The following PAGE3 variants were observed in gnomAD, a reference collection of about 807,000 sequenced individuals.
The protein encoded by PAGE3 is PAGE family member 3, also known as P antigen family member 3.
In PAGE3, 9 loss-of-function variants were observed where a neutral mutation model predicts 3.8. That is an observed-to-expected ratio of 2.36 (90% CI 1.42 to 4.12). The LOEUF is 4.12. Ranked by LOEUF, PAGE3 falls within the 30% of genes most tolerant of loss-of-function variation. PAGE3 has a pLI of 0.00. For missense variants in PAGE3, 73 were observed against 37.8 expected (o/e 1.93, Z -2.44); for synonymous variants, 24 against 13.1 (o/e 1.83, Z -1.79).
intron 4 of PAGE3, 143 bp from the exon 5 acceptor site, chrX:55,258,671 T>C: frequency 2.6e-6 from 1 of 378,322 alleles, no homozygotes; most frequent in Non-Finnish European, 4.6e-6. Context: ...GTTAAACCGC[T>C]ATAGAGACTT....
At chrX:55,264,199 T>C (rs934304378) in intron 1 of PAGE3, among the ~76,000 whole-genome samples, 1 of 110,769 alleles carries the variant, frequency 9.0e-6, no homozygotes, top group African/African-American at 3.3e-5. Context: ...TAGGAAAATA[T>C]AGGTAGAGAA....
rs1017458364 is a variant in PAGE3, at chrX:55,263,513, G to T, written c.85-154C>A. The stretch of plus-strand genomic sequence containing the variant: ...ATTCTACATATACTTATTCTTAATA[G>T]TTACTACAAGAGAAAGTTACCCTTA... On this transcript the variant is annotated intron_variant, in intron 2 of 4. Transcript: ENST00000374951. 6.3e-5 allele frequency among the ~76,000 whole-genome samples: 7 copies of T among 111,610 alleles called. No individual in the cohort carries two copies. The South Asian group carries it at 2.3e-3, about 36-fold the overall frequency.
In PAGE3 at chrX:55,264,539, C is replaced by G; in HGVS notation, c.-9+7G>C. 8.9e-6 allele frequency: 1 copy of G among 111,749 alleles called. No homozygotes were observed. Among genetic ancestry groups the G allele is most frequent in the Non-Finnish European group, 1.9e-5 (1 of 53,338 alleles). 9.2% of individuals were successfully genotyped at this position (111,749 alleles called of 1,213,427 possible). On this transcript the variant is annotated splice_region_variant and intron_variant, in intron 1 of 4. Coordinates refer to ENST00000374951, the MANE Select transcript of PAGE3 (RefSeq NM_001017931.3). The stretch of plus-strand genomic sequence containing the variant: ...TCAGGGTTCCAGGCCTTTCGGCACT[C>G]AGATACCTCCAACAGCACGCCCAGC...
chrX:55,262,117 A>G (rs1401170004), intron 3 of PAGE3, among the ~76,000 whole-genome samples: 1 of 111,787 alleles, frequency 8.9e-6, no homozygotes, highest in Non-Finnish European at 1.9e-5. Context: ...TATTGTCATC[A>G]TAATTCTGGG....
At chrX:55,264,381 C>T (rs1938351869) in intron 1 of PAGE3, among the ~76,000 whole-genome samples, 165 bp downstream of exon 1, 1 of 110,745 alleles carries the variant, frequency 9.0e-6, no homozygotes, top group African/African-American at 3.3e-5. Context: ...CACTCTCTGC[C>T]ACCGTGGAGC....
intron 3 of PAGE3, among the ~76,000 whole-genome samples, chrX:55,262,386 A>G (rs777898364): frequency 2.5e-4 from 28 of 111,524 alleles, no homozygotes; most frequent in Non-Finnish European, 5.1e-4. Flanking sequence ...CAATCAAAGT[A>G]AACAGTGGCT....
In PAGE3 at chrX:55,259,333, CT is replaced by C. The variant is rs1423103434; in HGVS notation, c.320-806del. Reference sequence around the variant, plus strand: ...CCAAATACAAATAAACAAACAATAGCTTTTTTTTTTGTTTCTAAATGATAAA... The same window carrying C: ...CCAAATACAAATAAACAAACAATAGCTTTTTTTTTGTTTCTAAATGATAAA... On this transcript the variant is annotated intron_variant, in intron 4 of 4. Transcript: ENST00000374951. Among the ~76,000 whole-genome samples, 647 of 105,529 alleles carry C rather than the reference CT, an allele frequency of 6.1e-3. 11 individuals are homozygous for C. The highest frequency in any genetic ancestry group is 0.02 in the African/African-American group (591 of 29,389). 91.6% of individuals were successfully genotyped at this position (105,529 alleles called of 115,157 possible). A position where few individuals can be genotyped will look rare whatever the true frequency, so the allele number is the denominator to read the frequency against.
In PAGE3 at chrX:55,264,760, C is replaced by T. The variant is rs1316108967; in HGVS notation, c.-223G>A. ...GGACCTGTCCAAAGCCCGCTGGCTC[C>T]CCTTCACATTCACTCACAACTAAAT... On this transcript the variant is annotated 5_prime_UTR_variant, in exon 1 of 5. Transcript: ENST00000374951. The T allele has an allele frequency of 9.0e-6, 1 of 111,503 alleles. No homozygotes were observed. Among genetic ancestry groups the T allele is most frequent in the Non-Finnish European group, 1.9e-5 (1 of 53,089 alleles). 9.2% of individuals were successfully genotyped at this position (111,503 alleles called of 1,213,427 possible).
At chrX:55,261,901 C>T (rs1475673269) in intron 3 of PAGE3, among the ~76,000 whole-genome samples, 1 of 110,791 alleles carries the variant, frequency 9.0e-6, no homozygotes, top group African/African-American at 3.3e-5. Flanking sequence ...GTCATGACAC[C>T]CATAACCTAT....
rs865996537 is a variant in PAGE3, at chrX:55,260,767, G to A, written c.194-108C>T. The A allele has an allele frequency of 7.5e-4, 282 of 376,398 alleles. 1 individual carries two copies. The highest frequency in any genetic ancestry group is 6.8e-3 in the African/African-American group (260 of 38,365). The allele number at this position is 376,398 out of a possible 1,213,427, so 31.0% of individuals were successfully genotyped here. A position where few individuals can be genotyped will look rare whatever the true frequency, so the allele number is the denominator to read the frequency against. ...TTATGAAATAAAAGCCTATAGGCTA[G>A]TGTGGTAATACACGCAATGCATAAG... is the stretch of plus-strand genomic sequence containing the variant. On this transcript the variant is annotated intron_variant, in intron 3 of 4. Coordinates refer to ENST00000374951, the MANE Select transcript of PAGE3 (RefSeq NM_001017931.3).
rs1414701316 is a variant in PAGE3 at position 55,264,652 on chromosome X, G to C, written c.-115C>G. ...CAGAAACGACGACAAAGGCCCATGG[G>C]GCGTCGCGACCTGGGAGGAGCCGGA... is the stretch of plus-strand genomic sequence containing the variant. On this transcript the variant is annotated 5_prime_UTR_variant, in exon 1 of 5. Coordinates refer to ENST00000374951, the MANE Select transcript of PAGE3 (RefSeq NM_001017931.3). 1.8e-5 allele frequency: 2 copies of C among 112,013 alleles called. No individual in the cohort carries two copies. The highest frequency in any genetic ancestry group is 3.8e-5 in the Non-Finnish European group (2 of 53,214). 9.2% of individuals were successfully genotyped at this position (112,013 alleles called of 1,213,427 possible).
Position 55,258,462 on chromosome X carries a change from T to C in PAGE3, c.*44A>G, listed in dbSNP as rs1738220572. ...TATTGAGAGAATTTTACTGGTGAAG[T>C]TTCCAACATAAAGACTGCATGTATG... is the stretch of plus-strand genomic sequence containing the variant. On this transcript the variant is annotated 3_prime_UTR_variant, in exon 5 of 5. Coordinates refer to ENST00000374951, the MANE Select transcript of PAGE3 (RefSeq NM_001017931.3). The C allele has an allele frequency of 7.3e-6, 4 of 550,669 alleles. No individual in the cohort carries two copies. The highest frequency in any genetic ancestry group is 1.3e-5 in the Non-Finnish European group (4 of 302,474). 45.4% of individuals were successfully genotyped at this position (550,669 alleles called of 1,213,427 possible).
intron 3 of PAGE3, 80 bp from the exon 4 acceptor site, chrX:55,260,739 A>C: frequency 2.4e-6 from 1 of 408,163 alleles, no homozygotes; most frequent in Non-Finnish European, 4.4e-6. Flanking sequence ...CACTCCCTCA[A>C]TGTTATGAAA....
chrX:55,260,614 G>C lies in PAGE3; in HGVS notation c.239C>G (p.Thr80Ser). Residue 80 changes from threonine (T) to serine (S), a missense_variant, in exon 4 of 5, where the codon ACT becomes AGT. By Grantham distance (58) the Thr-to-Ser change is moderately conservative. Coordinates refer to ENST00000374951, the MANE Select transcript of PAGE3 (RefSeq NM_001017931.3). ...AYLWELTRSK[T>S]GGERGDGPNV... ...AGGACCATCTCCACGTTCACCCCCA[G>C]TCTTTGACCGAGTCAGTTCCCAGAG... 1.8e-6 allele frequency: 1 copy of C among 561,319 alleles called. No homozygotes were observed. Among genetic ancestry groups the C allele is most frequent in the Non-Finnish European group, 3.3e-6 (1 of 305,417 alleles). The allele number at this position is 561,319 out of a possible 1,213,427, so 46.3% of individuals were successfully genotyped here.
At chrX:55,263,211 C>T in intron 3 of PAGE3, 40 bp downstream of exon 3, 1 of 548,692 alleles carries the variant, frequency 1.8e-6, no homozygotes, top group Admixed American at 2.3e-5. Flanking sequence ...ATACATACAC[C>T]CCCTCCATTC....
intron 3 of PAGE3, among the ~76,000 whole-genome samples, chrX:55,262,617 A>G (rs1404182398): frequency 1.8e-5 from 2 of 108,463 alleles, no homozygotes; most frequent in African/African-American, 3.4e-5. Context: ...CTTTGGTAAG[A>G]CACAATCTCT....
rs1051200464 is a variant in PAGE3, at chrX:55,262,098, A to G, written c.193+1153T>C. Among the ~76,000 whole-genome samples the G allele has an allele frequency of 5.4e-5, 6 of 111,757 alleles. 1 individual carries two copies. In the South Asian group the frequency reaches 2.3e-3, roughly 42 times the overall value. On this transcript the variant is annotated intron_variant, in intron 3 of 4. Coordinates refer to ENST00000374951, the MANE Select transcript of PAGE3 (RefSeq NM_001017931.3). The stretch of plus-strand genomic sequence containing the variant: ...ATGGGAAGTGGAATGGAAAGAATTT[A>G]ATGGGTATTATTGTCATCATAATTC...
At chrX:55,262,742 T>C (rs2043426776) in intron 3 of PAGE3, among the ~76,000 whole-genome samples, 1 of 102,225 alleles carries the variant, frequency 9.8e-6, no homozygotes, top group South Asian at 4.3e-4. Flanking sequence ...ATGTAATATA[T>C]ATATCACATA....
intron 4 of PAGE3, among the ~76,000 whole-genome samples, chrX:55,259,941 A>G (rs1194994518): frequency 1.8e-5 from 2 of 111,569 alleles, no homozygotes; most frequent in Admixed American, 1.9e-4. Flanking sequence ...GCAGTAGACT[A>G]ATGCAAGATA....
Sources: allele counts gnomAD v4.1 joint callset (sites outside exome capture counted in the v4.1 genomes callset), GRCh38; gene constraint gnomAD v4.1.1; transcripts MANE v1.5; gene names NCBI Gene and HGNC (gene_info 2026-07-23, HGNC 2026-07-21).